The following ZNF460 variants were observed in gnomAD, a reference collection of about 807,000 sequenced individuals.
ZNF460 encodes zinc finger protein 272.
In ZNF460, 1 loss-of-function variant was observed where a neutral mutation model predicts 8.4. That is an observed-to-expected ratio of 0.12 (90% CI 0.04 to 0.56). ZNF460 has a LOEUF of 0.56. ZNF460 is among the 20% of genes least tolerant of loss of function. The pLI is 0.91. For missense variants in ZNF460, 477 were observed against 714.8 expected (o/e 0.67, Z 3.79); for synonymous variants, 262 against 259.9 (o/e 1.01, Z -0.08).
chr19:57,291,590 A>G lies in ZNF460; in HGVS notation c.1049A>G (p.His350Arg), dbSNP rs1160787748. 2 of 1,612,158 alleles carry G rather than the reference A, an allele frequency of 1.2e-6. No individual in the cohort carries two copies. The highest frequency in any genetic ancestry group is 1.1e-5 in the South Asian group (1 of 90,984). ...ECGKAFNCRSHLKQHERIHTG... is the reference protein window; with the variant it reads ...ECGKAFNCRSRLKQHERIHTG... Reference sequence around the variant, plus strand: ...GGGAAGGCCTTCAACTGCAGGTCACACCTCAAGCAGCATGAGCGGATTCAC... The same window carrying G: ...GGGAAGGCCTTCAACTGCAGGTCACGCCTCAAGCAGCATGAGCGGATTCAC... Residue 350 changes from histidine (H) to arginine (R), a missense_variant, in exon 3 of 3, where the codon CAC becomes CGC. Around this residue, in one of 5 missense-constraint regions of ZNF460, gnomAD observed 193 missense variants for 391.7 expected, o/e 0.49. Coordinates refer to ENST00000360338, the MANE Select transcript of ZNF460 (RefSeq NM_006635.4). This position sits in a 1 kb window ranked among gnomAD's most constrained non-coding sequence, Gnocchi z 8.4.
intron 1 of ZNF460, 80 bp from the exon 2 acceptor site, chr19:57,284,471 T>G (rs2122885828): frequency 1.3e-6 from 2 of 1,525,882 alleles, no homozygotes; most frequent in Non-Finnish European, 1.8e-6. Context: ...CTGTGCATCT[T>G]TTGCAGTGCT....
Position 57,291,573 on chromosome 19 carries a change from C to T in ZNF460, c.1032C>T (p.Ala344=). The T allele has an allele frequency of 5.0e-6, 8 of 1,614,008 alleles. No individual in the cohort carries two copies. Among genetic ancestry groups the T allele is most frequent in the Non-Finnish European group, 6.8e-6 (8 of 1,179,998 alleles). ...TTAAGTGCCTTGAGTGTGGGAAGGCCTTCAACTGCAGGTCACACCTCAAGC... is the reference window on the plus strand; with the variant it reads ...TTAAGTGCCTTGAGTGTGGGAAGGCTTTCAACTGCAGGTCACACCTCAAGC... The part of the protein sequence containing the change: ...RPFKCLECGK[A]FNCRSHLKQH... The change falls in exon 3 of 3, where the codon GCC becomes GCT. Residue 344 remains alanine (A), a synonymous_variant. Coordinates refer to ENST00000360338, the MANE Select transcript of ZNF460 (RefSeq NM_006635.4). The surrounding 1 kb of genome is among the most constrained non-coding windows in gnomAD (Gnocchi z 8.4).
In ZNF460 at chr19:57,293,344, A is replaced by G. The variant is rs1292695715; in HGVS notation, c.*1114A>G. ...CTTACAGAAGATTGTGTGAAGGCTG[A>G]CTATACATAAAGTGACTGGAATTTT... On this transcript the variant is annotated 3_prime_UTR_variant, in exon 3 of 3. Transcript: ENST00000360338. 1 of 152,244 alleles carries G rather than the reference A, an allele frequency of 6.6e-6. No individual in the cohort carries two copies. Among genetic ancestry groups the G allele is most frequent in the Non-Finnish European group, 1.5e-5 (1 of 68,044 alleles). The allele number at this position is 152,244 out of a possible 1,614,324, so 9.4% of individuals were successfully genotyped here. A position where few individuals can be genotyped will look rare whatever the true frequency, so the allele number is the denominator to read the frequency against.
In ZNF460 at chr19:57,291,857, A is replaced by G. The variant is rs531411071; in HGVS notation, c.1316A>G (p.Gln439Arg). The change falls in exon 3 of 3, where the codon CAG becomes CGG. Residue 439 changes from glutamine (Q) to arginine (R), a missense_variant. Gln to Arg is a conservative substitution (Grantham distance 43, BLOSUM62 1). This residue lies in a region of ZNF460 where 193 missense variants were observed against 391.7 expected (regional missense o/e 0.49). Coordinates refer to ENST00000360338, the MANE Select transcript of ZNF460 (RefSeq NM_006635.4). This position sits in a 1 kb window ranked among gnomAD's most constrained non-coding sequence, Gnocchi z 8.4. The part of the protein sequence containing the change: ...FTRMSGLTRH[Q>R]WIHTGEKPYV... ...CGCATGTCAGGGCTCACAAGGCACC[A>G]GTGGATTCATACTGGAGAGAAGCCG... is the stretch of plus-strand genomic sequence containing the variant. 8.1e-6 allele frequency: 13 copies of G among 1,614,092 alleles called. No individual in the cohort carries two copies. In the East Asian group the frequency reaches 1.8e-4, roughly 22 times the overall value.
In ZNF460 at chr19:57,293,428, G is replaced by A. The variant is rs185199828; in HGVS notation, c.*1198G>A. 7 of 152,112 alleles carry A rather than the reference G, an allele frequency of 4.6e-5. No individual in the cohort carries two copies. Among genetic ancestry groups the A allele is most frequent in the African/African-American group, 9.7e-5 (4 of 41,428 alleles). The allele number at this position is 152,112 out of a possible 1,614,324, so 9.4% of individuals were successfully genotyped here. On this transcript the variant is annotated 3_prime_UTR_variant, in exon 3 of 3. Transcript: ENST00000360338. ...TTGTCACCATGGATTGAGTCCAGTC[G>A]TAGTAATTAATATGTTTAATCAGAA...
chr19:57,288,895 CTT>C (rs757310500), intron 2 of ZNF460, among the ~76,000 whole-genome samples: 6 of 139,570 alleles, frequency 4.3e-5, no homozygotes, highest in Admixed American at 7.2e-5. Context: ...ATTATTATTA[CTT>C]TTTTTTTTTT....
intron 1 of ZNF460, among the ~76,000 whole-genome samples, chr19:57,284,063 T>C (rs1242377713): frequency 1.3e-5 from 2 of 152,218 alleles, no homozygotes; most frequent in African/African-American, 4.8e-5. Flanking sequence ...CTGGTGGTGA[T>C]GTTTTTATTA....
chr19:57,287,419 AT>A (rs2087887477), intron 2 of ZNF460, among the ~76,000 whole-genome samples: 1 of 152,174 alleles, frequency 6.6e-6, no homozygotes, highest in Non-Finnish European at 1.5e-5. Context: ...TTAACAGTAA[AT>A]TCTGTTAGAA....
intron 2 of ZNF460, among the ~76,000 whole-genome samples, chr19:57,288,242 G>T (rs995674866): frequency 5.3e-5 from 8 of 151,972 alleles, no homozygotes; most frequent in Non-Finnish European, 8.8e-5. Context: ...TTCCTCTGTC[G>T]CCCAGGCTGG....
chr19:57,284,503 A>T lies in ZNF460; in HGVS notation c.31-48A>T, dbSNP rs778975338. On this transcript the variant is annotated intron_variant, in intron 1 of 2. Transcript: ENST00000360338. ...TGCTGGAGTGACAGGTTCTAATCCT[A>T]TTCCACAGTTGCAAAGGAAACATTA... 1.4e-5 allele frequency: 23 copies of T among 1,596,374 alleles called. No homozygotes were observed. The Admixed American group carries it at 4.1e-4, about 28-fold the overall frequency.
At chr19:57,287,646 C>T (rs1204763899) in intron 2 of ZNF460, among the ~76,000 whole-genome samples, 2 of 152,110 alleles carry the variant, frequency 1.3e-5, no homozygotes, top group Non-Finnish European at 2.9e-5. Context: ...AAAGAAACTG[C>T]CCAGCAGTTC....
chr19:57,282,205 A>G (rs1441169649), intron 1 of ZNF460, among the ~76,000 whole-genome samples: 1 of 152,086 alleles, frequency 6.6e-6, no homozygotes, highest in African/African-American at 2.4e-5. Context: ...GTGGTTTTAT[A>G]TGTGGTTCCC....
chr19:57,286,916 A>G (rs1214870202), intron 2 of ZNF460, among the ~76,000 whole-genome samples: 1 of 150,566 alleles, frequency 6.6e-6, no homozygotes, highest in Non-Finnish European at 1.5e-5. Flanking sequence ...GTGAGCCGAG[A>G]TCGTGCCACT....
intron 2 of ZNF460, among the ~76,000 whole-genome samples, chr19:57,287,766 G>A (rs1040173753): frequency 2.6e-5 from 4 of 152,128 alleles, no homozygotes; most frequent in African/African-American, 9.7e-5. Context: ...GTCTAGGCGG[G>A]CGGATCACTT....
At chr19:57,285,091 C>T (rs1192380394) in intron 2 of ZNF460, among the ~76,000 whole-genome samples, 1 of 152,206 alleles carries the variant, frequency 6.6e-6, no homozygotes. Context: ...GCTGGGATTA[C>T]AGGCATGAGC....
intron 2 of ZNF460, among the ~76,000 whole-genome samples, chr19:57,287,768 G>A (rs903050297): frequency 6.6e-5 from 10 of 152,120 alleles, no homozygotes; most frequent in African/African-American, 2.2e-4. Context: ...CTAGGCGGGC[G>A]GATCACTTGA....
intron 1 of ZNF460, among the ~76,000 whole-genome samples, chr19:57,283,830 C>T (rs905629716): frequency 1.3e-5 from 2 of 151,992 alleles, no homozygotes; most frequent in African/African-American, 4.8e-5. Context: ...GTGGGAAACA[C>T]GGTTATATTG....
Position 57,292,010 on chromosome 19 carries a change from C to A in ZNF460, c.1469C>A (p.Pro490His). 1 of 1,613,588 alleles carries A rather than the reference C, an allele frequency of 6.2e-7. No individual in the cohort carries two copies. Among genetic ancestry groups the A allele is most frequent in the Non-Finnish European group, 8.5e-7 (1 of 1,179,808 alleles). The change falls in exon 3 of 3, where the codon CCC (proline) becomes CAC (histidine). Residue 490 changes from proline (P) to histidine (H), a missense_variant. Transcript: ENST00000360338. ...ECGKAFNRRS[P>H]LTRHQRIHTA... ...GGGAAGGCCTTCAACCGCAGGTCAC[C>A]CCTCACAAGGCACCAGCGGATTCAC...
Position 57,293,074 on chromosome 19 carries a change from A to G in ZNF460, c.*844A>G, listed in dbSNP as rs891372032. 1.3e-5 allele frequency: 2 copies of G among 152,046 alleles called. No individual in the cohort carries two copies. Among genetic ancestry groups the G allele is most frequent in the African/African-American group, 4.8e-5 (2 of 41,386 alleles). 9.4% of individuals were successfully genotyped at this position (152,046 alleles called of 1,614,324 possible). A position where few individuals can be genotyped will look rare whatever the true frequency, so the allele number is the denominator to read the frequency against. ...AATTTCTTCTTTATTTTTCTGTAGG[A>G]TGGAGATGATATTGTAGCTGTTTGT... On this transcript the variant is annotated 3_prime_UTR_variant, in exon 3 of 3. Transcript: ENST00000360338.
Sources: allele counts gnomAD v4.1 joint callset (sites outside exome capture counted in the v4.1 genomes callset), GRCh38; gene constraint gnomAD v4.1.1; regional missense constraint gnomAD v4.1.1; non-coding constraint Gnocchi (gnomAD v3.1); transcripts MANE v1.5; gene names NCBI Gene and HGNC (gene_info 2026-07-23, HGNC 2026-07-21).